Variants in CEACAM21 observed in about 807,000 individuals in gnomAD.
CEACAM21 encodes the protein CEA cell adhesion molecule 21.
Under a neutral mutation model 33.2 loss-of-function variants are expected in CEACAM21, and 38 were observed. The ratio of observed to expected loss-of-function variants is 1.14; its 90% CI spans 0.88 to 1.50. CEACAM21 has a LOEUF of 1.50. CEACAM21 is among the 40% of genes most tolerant of loss of function. CEACAM21 has a pLI of 0.00. For synonymous variants in CEACAM21, 156 were observed against 143.0 expected, an observed-to-expected ratio of 1.09 and a Z score of -0.65; for missense variants, 385 against 364.6, an observed-to-expected ratio of 1.06 and a Z score of -0.46.
At chr19:41,583,010 C>T (rs2043531970) in intron 3 of CEACAM21, among the ~76,000 whole-genome samples, 1 of 152,228 alleles carries the variant, frequency 6.6e-6, no homozygotes, top group Non-Finnish European at 1.5e-5. Flanking sequence ...CTCTGCTTCC[C>T]TTTTAAACAT....
rs1421910605 is a variant in CEACAM21 at position 41,585,947 on chromosome 19, C to A, written c.*76C>A. 3.4e-6 allele frequency: 5 copies of A among 1,474,624 alleles called. No homozygotes were observed. In the African/African-American group the frequency reaches 5.6e-5, roughly 16 times the overall value. 91.3% of individuals were successfully genotyped at this position (1,474,624 alleles called of 1,614,324 possible). A position where few individuals can be genotyped will look rare whatever the true frequency, so the allele number is the denominator to read the frequency against. On this transcript the variant is annotated intron_variant, in intron 6 of 6. Transcript: ENST00000401445. Reference sequence around the variant, plus strand: ...GGCTCAGGGCAGGGGGACTGTCAATCCCCAGCACAAACCCACCCTACCCAG... The same window carrying A: ...GGCTCAGGGCAGGGGGACTGTCAATACCCAGCACAAACCCACCCTACCCAG...
intron 6 of CEACAM21, 53 bp from the exon 7 acceptor site, chr19:41,586,411 G>C (rs367926246): frequency 1.6e-6 from 1 of 619,650 alleles, no homozygotes; most frequent in South Asian, 1.4e-5. Flanking sequence ...AGAGATGCCA[G>C]ACCCTGTTCT....
chr19:41,584,499 AG>A (rs2070567565), intron 4 of CEACAM21, 56 bp downstream of exon 4: 5 of 1,468,870 alleles, frequency 3.4e-6, no homozygotes, highest in Middle Eastern at 1.7e-4. Context: ...CCAGGCGAGA[AG>A]GAAGGAGACC....
intron 2 of CEACAM21, among the ~76,000 whole-genome samples, chr19:41,565,976 G>A (rs563744979): frequency 3.7e-3 from 513 of 140,166 alleles, no homozygotes; most frequent in Non-Finnish European, 6.2e-3. Context: ...GGCGGGGGGG[G>A]TGGGGTTCTG....
At chr19:41,554,366 T>C (rs1417233377) in intron 1 of CEACAM21, among the ~76,000 whole-genome samples, 2 of 151,988 alleles carry the variant, frequency 1.3e-5, no homozygotes, top group Admixed American at 1.3e-4. Flanking sequence ...GTAGTCATAG[T>C]CAAAGACACA....
At chr19:41,577,951 C>G (rs1277988521) in intron 2 of CEACAM21, among the ~76,000 whole-genome samples, 13 of 152,184 alleles carry the variant, frequency 8.5e-5, no homozygotes, top group Admixed American at 8.5e-4. Flanking sequence ...GCCCCTGTCC[C>G]AAGATCCTGA....
At chr19:41,569,942 A>T (rs1355303132) in intron 2 of CEACAM21, among the ~76,000 whole-genome samples, 1 of 152,154 alleles carries the variant, frequency 6.6e-6, no homozygotes, top group Non-Finnish European at 1.5e-5. Context: ...AGGGTGGCTG[A>T]CACCTGTCCC....
At chr19:41,571,242 AGAATC>A (rs56096611), upstream of CEACAM21, among the ~76,000 whole-genome samples, 36,823 of 151,914 alleles carry the variant, frequency 0.24, 4,724 homozygotes, top group African/African-American at 0.31. Context: ...ACTTGGGAGA[AGAATC>A]GCATGTGTGG....
chr19:41,582,900 T>C (rs1408110001), intron 3 of CEACAM21, among the ~76,000 whole-genome samples: 3 of 152,258 alleles, frequency 2.0e-5, no homozygotes, highest in Admixed American at 1.3e-4. Context: ...TGCTCTTCAT[T>C]GTTTATGCAC....
At chr19:41,572,632 A>T (rs141543857), upstream of CEACAM21, among the ~76,000 whole-genome samples, 277 of 152,264 alleles carry the variant, frequency 1.8e-3, no homozygotes, top group African/African-American at 6.4e-3. Flanking sequence ...AATCACCACC[A>T]GCTCCTCCAG....
chr19:41,560,388 A>G (rs2041808940), intron 1 of CEACAM21, among the ~76,000 whole-genome samples: 2 of 152,214 alleles, frequency 1.3e-5, no homozygotes, highest in South Asian at 2.1e-4. Flanking sequence ...ATGCCTGGCT[A>G]ATTTCTATTT....
At chr19:41,554,524 T>C (rs1292740777) in intron 1 of CEACAM21, among the ~76,000 whole-genome samples, 6 of 152,020 alleles carry the variant, frequency 3.9e-5, no homozygotes, top group African/African-American at 1.2e-4. Context: ...TTTATAGAAA[T>C]ATAGCCCAAA....
intron 2 of CEACAM21, among the ~76,000 whole-genome samples, chr19:41,565,973 G>A (rs11882076): frequency 0.031 from 4,281 of 136,846 alleles, 199 homozygotes; most frequent in African/African-American, 0.11. Context: ...GGGGGCGGGG[G>A]GGGTGGGGTT....
upstream of CEACAM21, among the ~76,000 whole-genome samples, chr19:41,573,195 G>A (rs944173355): frequency 6.6e-6 from 1 of 152,170 alleles, no homozygotes; most frequent in East Asian, 1.9e-4. Flanking sequence ...CATGGACTCC[G>A]GCCTGATGTG....
chr19:41,582,415 C>T (rs2043470850), intron 3 of CEACAM21, among the ~76,000 whole-genome samples: 1 of 152,220 alleles, frequency 6.6e-6, no homozygotes, highest in Admixed American at 6.5e-5. Flanking sequence ...CTTCTCACAG[C>T]TCCATTAGGC....
At chr19:41,569,144 A>G (rs1555788885) in intron 2 of CEACAM21, among the ~76,000 whole-genome samples, 1 of 152,068 alleles carries the variant, frequency 6.6e-6, no homozygotes, top group Non-Finnish European at 1.5e-5. Context: ...TACTGGTATT[A>G]CTGGTGGACT....
chr19:41,572,021 G>A (rs2042645813), upstream of CEACAM21, among the ~76,000 whole-genome samples: 1 of 151,620 alleles, frequency 6.6e-6, no homozygotes, highest in African/African-American at 2.4e-5. Flanking sequence ...TCTATGTACA[G>A]GAATAACCAG....
At chr19:41,585,632 G>A in intron 5 of CEACAM21, 137 bp downstream of exon 5, 1 of 1,130,934 alleles carries the variant, frequency 8.8e-7, no homozygotes, top group South Asian at 1.4e-5. Flanking sequence ...CATCACACAG[G>A]AAACCCCAAC....
intron 2 of CEACAM21, among the ~76,000 whole-genome samples, chr19:41,570,100 TGGCCATTCTGAA>T (rs1478310211): frequency 5.3e-5 from 8 of 152,136 alleles, no homozygotes; most frequent in African/African-American, 1.9e-4. Context: ...ACAGCGCTGA[TGGCCATTCTGAA>T]GACTGGGGGT....
Sources: gnomAD v4.1 joint callset for allele counts (sites outside exome capture counted in the v4.1 genomes callset) on GRCh38, gnomAD v4.1.1 for gene constraint, MANE v1.5 for transcripts, NCBI Gene and HGNC (gene_info 2026-07-23, HGNC 2026-07-21) for gene names.